Variants in CDHR4 observed in about 807,000 individuals in gnomAD.
CDHR4 encodes the protein cadherin related family member 4.
CDHR4 carries 89 observed loss-of-function variants against 88.4 expected under a neutral mutation model. The ratio of observed to expected loss-of-function variants is 1.01; its 90% CI spans 0.85 to 1.20. The LOEUF (loss-of-function observed/expected upper bound fraction) is 1.20. Ranked by LOEUF, CDHR4 falls within the 50% of genes most tolerant of loss-of-function variation. The pLI, the probability that CDHR4 is intolerant of heterozygous loss-of-function variation, is 0.00. For synonymous variants in CDHR4, 368 were observed against 399.2 expected (o/e 0.92, Z 0.93); for missense variants, 914 against 1,007.2 (o/e 0.91, Z 1.25).
At chr3:49,800,140 G>A (rs537285252), upstream of CDHR4, among the ~76,000 whole-genome samples, 3 of 152,188 alleles carry the variant, frequency 2.0e-5, no homozygotes, top group African/African-American at 7.2e-5. Context: ...TTTGGCCCAG[G>A]ACCTGCTACC....
rs745860794 is a variant in CDHR4, at chr3:49,790,880, TC to T, written c.2318del (p.Gly773GlufsTer20). ...TGTGTGTGTTAAACAGGTAGTCTCT[TC>T]CGGTACCTAAAACCGGTAGGAGAGA... Reference protein sequence around the residue: ...FDGRAQDSRTGRDYLFNTHTG... With the variant: ...FDGRAQDSRTXRDYLFNTHTG... On this transcript the variant is annotated frameshift_variant, in exon 19 of 19. Transcript: ENST00000412678. LOFTEE classifies it high-confidence loss of function. 2.7e-5 allele frequency: 42 copies of T among 1,551,044 alleles called. No homozygotes were observed. Among genetic ancestry groups the T allele is most frequent in the Non-Finnish European group, 3.5e-5 (40 of 1,146,718 alleles).
intron 13 of CDHR4, 24 bp downstream of exon 13, chr3:49,793,137 C>T (rs1294755636): frequency 1.3e-6 from 2 of 1,551,080 alleles, no homozygotes; most frequent in South Asian, 1.2e-5. Flanking sequence ...TCACTCACAA[C>T]CTGGTGGTGC....
At chr3:49,794,507 A>G in intron 10 of CDHR4, 101 bp downstream of exon 10, 1 of 923,734 alleles carries the variant, frequency 1.1e-6, no homozygotes, top group East Asian at 2.7e-5. Flanking sequence ...ACCCTGCCCT[A>G]CTGGATTCTG....
At chr3:49,802,392 G>A (rs1400820927), upstream of CDHR4, among the ~76,000 whole-genome samples, 2 of 151,988 alleles carry the variant, frequency 1.3e-5, no homozygotes, top group African/African-American at 4.8e-5. Context: ...AGCCAGGATG[G>A]TCTCGATCTC....
At chr3:49,792,064 T>C in intron 15 of CDHR4, 105 bp from the exon 16 acceptor site, 1 of 1,111,134 alleles carries the variant, frequency 9.0e-7, no homozygotes, top group Non-Finnish European at 1.3e-6. Context: ...AACCAATGTC[T>C]GTATGCAGTG....
At chr3:49,799,696 G>T in intron 1 of CDHR4, 68 bp downstream of exon 1, 1 of 1,540,748 alleles carries the variant, frequency 6.5e-7, no homozygotes. Flanking sequence ...GTCCTCCATG[G>T]TAGCTTATCT....
upstream of CDHR4, among the ~76,000 whole-genome samples, chr3:49,800,882 C>CAA (rs765360361): frequency 0.015 from 816 of 54,900 alleles, 17 homozygotes; most frequent in African/African-American, 0.042. Flanking sequence ...CCTGTCTCTA[C>CAA]AAAAAAAAAA....
chr3:49,799,199 G>A, intron 2 of CDHR4, 43 bp from the exon 3 acceptor site: 1 of 1,604,690 alleles, frequency 6.2e-7, no homozygotes, highest in Non-Finnish European at 8.5e-7. Flanking sequence ...GGAAATTTTA[G>A]GTCTGCCCTT....
At chr3:49,791,349 G>T in intron 18 of CDHR4, 92 bp downstream of exon 18, 1 of 1,360,486 alleles carries the variant, frequency 7.4e-7, no homozygotes, top group Non-Finnish European at 1.0e-6. Context: ...CTGGGAGTAG[G>T]AGGAGATATT....
intron 1 of CDHR4, 84 bp downstream of exon 1, chr3:49,799,680 A>G (rs1407890055): frequency 6.8e-7 from 1 of 1,468,286 alleles, no homozygotes; most frequent in East Asian, 2.3e-5. Flanking sequence ...CTCTCCCCCA[A>G]TCCCTGTCCT....
chr3:49,791,558 C>T (rs748775204), intron 17 of CDHR4, 90 bp from the exon 18 acceptor site: 32 of 1,496,322 alleles, frequency 2.1e-5, no homozygotes, highest in South Asian at 5.1e-5. Flanking sequence ...GCCAGAAGCC[C>T]ACCTGCCTCC....
rs550339619 is a variant in CDHR4, at chr3:49,794,555, G to A, written c.1279+53C>T. Reference sequence around the variant, plus strand: ...TGACCCTGTCCTGAGCATGGGAAGCGGGAGGACAGAACAGCCTTGTCCTGG... The same window carrying A: ...TGACCCTGTCCTGAGCATGGGAAGCAGGAGGACAGAACAGCCTTGTCCTGG... On this transcript the variant is annotated intron_variant, in intron 10 of 18. Coordinates refer to ENST00000412678, the MANE Select transcript of CDHR4 (RefSeq NM_001007540.4). The A allele has an allele frequency of 1.0e-4, 144 of 1,390,504 alleles. No individual in the cohort carries two copies. The South Asian group carries it at 1.2e-3, about 11-fold the overall frequency. The allele number at this position is 1,390,504 out of a possible 1,614,324, so 86.1% of individuals were successfully genotyped here.
intron 15 of CDHR4, 123 bp from the exon 16 acceptor site, chr3:49,792,082 T>C: frequency 1.0e-6 from 1 of 963,700 alleles, no homozygotes; most frequent in Non-Finnish European, 1.6e-6. Context: ...GTGCCCACAT[T>C]GTTACATCCC....
At chr3:49,794,081 G>A (rs2108280133) in intron 10 of CDHR4, 75 bp from the exon 11 acceptor site, 1 of 1,436,754 alleles carries the variant, frequency 7.0e-7, no homozygotes, top group Non-Finnish European at 9.5e-7. Context: ...GAGGGAGACA[G>A]GGCCCTGCCC....
rs767899326 is a variant in CDHR4 at position 49,795,759 on chromosome 3, T to C, written c.716A>G (p.Gln239Arg). 3 of 1,551,674 alleles carry C rather than the reference T, an allele frequency of 1.9e-6. No individual in the cohort carries two copies. The highest frequency in any genetic ancestry group is 2.6e-6 in the Non-Finnish European group (3 of 1,146,982). The change falls in exon 7 of 19, where the codon CAG becomes CGG. Residue 239 changes from glutamine (Q) to arginine (R), a missense_variant. Coordinates refer to ENST00000412678, the MANE Select transcript of CDHR4 (RefSeq NM_001007540.4). The surrounding 1 kb of genome is among the most constrained non-coding windows in gnomAD (Gnocchi z 5.4). ...VPSSQVSFLE[Q>R]AQNITIPENL... ...CTCAGGGATGGTGATATTCTGAGCC[T>C]GCTCGCTGGACCAAAAGGGGGGCAC...
chr3:49,798,585 C>T lies in CDHR4; in HGVS notation c.495+241G>A, dbSNP rs554770048. 947 of 489,082 alleles carry T rather than the reference C, an allele frequency of 1.9e-3. 5 individuals are homozygous for T. The highest frequency in any genetic ancestry group is 0.011 in the Admixed American group (252 of 23,664). 30.3% of individuals were successfully genotyped at this position (489,082 alleles called of 1,614,324 possible). ...CCTGGACGACAGAGCAAGACTCCGT[C>T]TCAAAAAAAAAAAAAAAAAAGAACT... On this transcript the variant is annotated intron_variant, in intron 4 of 18. Coordinates refer to ENST00000412678, the MANE Select transcript of CDHR4 (RefSeq NM_001007540.4).
At chr3:49,797,488 C>T (rs2081289469) in intron 4 of CDHR4, among the ~76,000 whole-genome samples, 1 of 151,682 alleles carries the variant, frequency 6.6e-6, no homozygotes, top group South Asian at 2.1e-4. Context: ...TTCCTTCCTT[C>T]CTTCCTGTTT....
At chr3:49,800,180 C>T (rs1033801015), upstream of CDHR4, among the ~76,000 whole-genome samples, 1 of 152,154 alleles carries the variant, frequency 6.6e-6, no homozygotes, top group African/African-American at 2.4e-5. Flanking sequence ...GCTGGACCCC[C>T]TCCATTAGAA....
chr3:49,801,374 G>A (rs537306462), upstream of CDHR4, among the ~76,000 whole-genome samples: 3 of 152,242 alleles, frequency 2.0e-5, no homozygotes, highest in South Asian at 2.1e-4. Flanking sequence ...GCACAGTCCC[G>A]ATTGCTGTCT....
Sources: allele counts gnomAD v4.1 joint callset (sites outside exome capture counted in the v4.1 genomes callset), GRCh38; gene constraint gnomAD v4.1.1; non-coding constraint Gnocchi (gnomAD v3.1); transcripts MANE v1.5; gene names NCBI Gene and HGNC (gene_info 2026-07-23, HGNC 2026-07-21).